The following UGT1A8 variants were observed in gnomAD, a reference collection of about 807,000 sequenced individuals.
UGT1A8 encodes the protein UDP-glucuronosyltransferase 1A8.
UGT1A8 carries 39 observed loss-of-function variants against 45.3 expected under a neutral mutation model. The observed-to-expected ratio is 0.86, with a 90% CI of 0.67 to 1.12. UGT1A8 has a LOEUF of 1.12. Ranked by LOEUF, UGT1A8 falls within the 50% of genes most tolerant of loss-of-function variation. The pLI is 0.00. For missense variants in UGT1A8, 719 were observed against 664.9 expected (o/e 1.08, Z -0.90); for synonymous variants, 275 against 249.2 (o/e 1.10, Z -0.97).
chr2:233,751,498 G>T (rs1694741950), intron 1 of UGT1A8, among the ~76,000 whole-genome samples: 1 of 152,208 alleles, frequency 6.6e-6, no homozygotes, highest in Non-Finnish European at 1.5e-5. Flanking sequence ...CATGAGATTT[G>T]GGAGGGGCCA....
intron 1 of UGT1A8, among the ~76,000 whole-genome samples, chr2:233,649,930 T>A (rs1416299274): frequency 6.6e-6 from 1 of 152,178 alleles, no homozygotes. Context: ...CTATGTTTCA[T>A]CTTCTGTTAC....
At chr2:233,721,017 C>T (rs1165667415) in intron 1 of UGT1A8, among the ~76,000 whole-genome samples, 3 of 151,958 alleles carry the variant, frequency 2.0e-5, no homozygotes, top group Admixed American at 6.6e-5. Flanking sequence ...AGTGAGGGAG[C>T]CATCTTTCTT....
chr2:233,751,417 C>CT, intron 1 of UGT1A8, among the ~76,000 whole-genome samples: 1 of 152,082 alleles, frequency 6.6e-6, no homozygotes, highest in East Asian at 1.9e-4. Flanking sequence ...GACTTTTGAG[C>CT]TAGTGCTGAA....
chr2:233,743,990 C>A lies in UGT1A8; in HGVS notation c.856-23044C>A, dbSNP rs541433916. 65 of 1,267,322 alleles carry A rather than the reference C, an allele frequency of 5.1e-5. No homozygotes were observed. In the African/African-American group the frequency reaches 6.0e-4, roughly 12 times the overall value. 78.5% of individuals were successfully genotyped at this position (1,267,322 alleles called of 1,614,324 possible). On this transcript the variant is annotated intron_variant, in intron 1 of 4. Transcript: ENST00000373450. ...GGCTGCCAGCACCCAGGCGCAGGCC[C>A]GAGTGCTCGGAGACCTGGGCCGCCT...
intron 1 of UGT1A8, among the ~76,000 whole-genome samples, chr2:233,716,590 A>T (rs1367261005): frequency 2.0e-5 from 3 of 152,194 alleles, no homozygotes; most frequent in Non-Finnish European, 2.9e-5. Flanking sequence ...TCAAAGAGCA[A>T]AAATTTTAGA....
chr2:233,685,796 T>C (rs998546141), intron 1 of UGT1A8, among the ~76,000 whole-genome samples: 1 of 152,250 alleles, frequency 6.6e-6, no homozygotes, highest in Admixed American at 6.5e-5. Flanking sequence ...AATCTTGGCA[T>C]GTTGTCTCAT....
Position 233,701,581 on chromosome 2 carries a change from C to A in UGT1A8, c.856-65453C>A, listed in dbSNP as rs545182540. 1.6e-3 allele frequency among the ~76,000 whole-genome samples: 239 copies of A among 152,228 alleles called. 2 individuals carry two copies. The highest frequency in any genetic ancestry group is 5.4e-3 in the African/African-American group (224 of 41,532). ...ACACCACACCTACTCCAAAATTGACCACATAGTTGGAAGTAAAGCACTCCT... is the reference window on the plus strand; with the variant it reads ...ACACCACACCTACTCCAAAATTGACAACATAGTTGGAAGTAAAGCACTCCT... On this transcript the variant is annotated intron_variant, in intron 1 of 4. Transcript: ENST00000373450.
chr2:233,753,396 G>C (rs1209022223), intron 1 of UGT1A8: 4 of 152,212 alleles, frequency 2.6e-5, no homozygotes, highest in South Asian at 2.1e-4. Context: ...GAGGGTACTA[G>C]AGCATATCCA....
chr2:233,679,016 G>A (rs1203184206), intron 1 of UGT1A8, among the ~76,000 whole-genome samples: 1 of 152,206 alleles, frequency 6.6e-6, no homozygotes, highest in Non-Finnish European at 1.5e-5. Context: ...CTTCAGTGGT[G>A]TAATCCTTCT....
intron 1 of UGT1A8, among the ~76,000 whole-genome samples, chr2:233,724,823 G>C (rs377063392): frequency 1.5e-5 from 2 of 135,304 alleles, no homozygotes; most frequent in Admixed American, 7.3e-5. Context: ...CTGCAATCTC[G>C]GCACTTTGGG....
chr2:233,643,223 T>C (rs2073504380), intron 1 of UGT1A8, among the ~76,000 whole-genome samples: 1 of 152,212 alleles, frequency 6.6e-6, no homozygotes, highest in Admixed American at 6.5e-5. Context: ...GCATTCCACC[T>C]GGTATTTTAT....
intron 1 of UGT1A8, chr2:233,672,521 G>C: frequency 6.2e-7 from 1 of 1,613,872 alleles, no homozygotes; most frequent in African/African-American, 1.3e-5. Flanking sequence ...ATTCTCTTAG[G>C]GTTCTCAGAT....
At position 233,760,497 on chromosome 2, in the gene UGT1A8, C is replaced by G. The variant is rs1553620689; in HGVS notation, c.856-6537C>G. ...CTGACGCCTCGTTGTACATCAGAGACGGAGCATTTTACACCTTGAAGACGT... is the reference window on the plus strand; with the variant it reads ...CTGACGCCTCGTTGTACATCAGAGAGGGAGCATTTTACACCTTGAAGACGT... On this transcript the variant is annotated intron_variant, in intron 1 of 4. Transcript: ENST00000373450. 1.2e-6 allele frequency: 2 copies of G among 1,614,200 alleles called. No individual in the cohort carries two copies. The highest frequency in any genetic ancestry group is 2.7e-5 in the African/African-American group (2 of 75,048).
intron 1 of UGT1A8, among the ~76,000 whole-genome samples, chr2:233,726,020 TC>T (rs2125716931): frequency 6.6e-6 from 1 of 152,170 alleles, no homozygotes; most frequent in Admixed American, 6.5e-5. Flanking sequence ...CAAAAAATTA[TC>T]CAGGTGTGAT....
chr2:233,674,118 C>T (rs2074274069), intron 1 of UGT1A8, among the ~76,000 whole-genome samples: 1 of 152,134 alleles, frequency 6.6e-6, no homozygotes, highest in Admixed American at 6.6e-5. Flanking sequence ...TACAATTTAT[C>T]TATTGTTCTG....
intron 1 of UGT1A8, chr2:233,741,740 C>G (rs1158976781): frequency 1.3e-5 from 2 of 151,864 alleles, no homozygotes; most frequent in Admixed American, 6.6e-5. Flanking sequence ...CCATATCACA[C>G]TCTTTGTTGG....
At chr2:233,657,385 T>TG (rs1281082604) in intron 1 of UGT1A8, among the ~76,000 whole-genome samples, 1 of 152,200 alleles carries the variant, frequency 6.6e-6, no homozygotes, top group East Asian at 1.9e-4. Context: ...GCAAAAGACT[T>TG]GGGCTACTTC....
At chr2:233,755,453 T>A (rs1392430727) in intron 1 of UGT1A8, 2 of 305,122 alleles carry the variant, frequency 6.6e-6, no homozygotes, top group Non-Finnish European at 1.3e-5. Context: ...CTCCTGGGAC[T>A]GGCCCTGCTC....
chr2:233,728,472 C>A (rs778651891), intron 1 of UGT1A8, among the ~76,000 whole-genome samples: 1 of 152,182 alleles, frequency 6.6e-6, no homozygotes, highest in African/African-American at 2.4e-5. Context: ...TCCCAAGAAT[C>A]TGATCATCAC....
Sources: allele counts gnomAD v4.1 joint callset (sites outside exome capture counted in the v4.1 genomes callset), GRCh38; gene constraint gnomAD v4.1.1; transcripts MANE v1.5; gene names NCBI Gene and HGNC (gene_info 2026-07-23, HGNC 2026-07-21).